PHRF1: variants seen among roughly 807,000 people sequenced by gnomAD.
PHRF1 encodes the protein PHD and RING finger domain-containing protein 1.
A neutral mutation model predicts 128.9 loss-of-function variants in PHRF1; 53 were observed. That is an observed-to-expected ratio of 0.41 (90% CI 0.33 to 0.52). The LOEUF is 0.52. PHRF1 is among the 20% of genes least tolerant of loss of function. The probability of loss-of-function intolerance (pLI) is 0.21; values close to 1 mark genes in which losing one functional copy is unlikely to be tolerated. For synonymous variants in PHRF1, 1,178 were observed against 980.6 expected, an observed-to-expected ratio of 1.20 and a Z score of -3.76; for missense variants, 2,503 against 2,284.5, an observed-to-expected ratio of 1.10 and a Z score of -1.95.
intron 11 of PHRF1, 40 bp downstream of exon 11, chr11:605,340 C>A (rs1855880412): frequency 6.2e-7 from 1 of 1,602,390 alleles, no homozygotes; most frequent in Non-Finnish European, 8.5e-7. Context: ...GCACCCGCTC[C>A]TCTCCCTGGG....
intron 4 of PHRF1, among the ~76,000 whole-genome samples, chr11:590,895 G>C (rs1224501933): frequency 6.6e-6 from 1 of 152,054 alleles, no homozygotes; most frequent in Non-Finnish European, 1.5e-5. Context: ...TAGAGGCGGG[G>C]TTTCTCTGTG....
At position 609,572 on chromosome 11, in the gene PHRF1, C is replaced by G. The variant is rs773330665; in HGVS notation, c.4116C>G (p.Pro1372=). The change falls in exon 14 of 18, where the codon CCC becomes CCG. Residue 1372 remains proline, a synonymous_variant. Coordinates refer to ENST00000264555, the MANE Select transcript of PHRF1 (RefSeq NM_001286581.2). ...DVAPAGKEDS[P]SASGRVQEAA... ...CGCCTGCGGGGAAGGAAGACAGCCC[C>G]TCTGCGAGTGGGAGGGTACAGGAGG... The G allele has an allele frequency of 4.0e-5, 64 of 1,598,804 alleles. No individual in the cohort carries two copies. In the Middle Eastern group the frequency reaches 3.8e-3, roughly 95 times the overall value.
In PHRF1 at chr11:605,290, C is replaced by G. The variant is rs1855875819; in HGVS notation, c.1324C>G (p.Pro442Ala). 6.2e-7 allele frequency: 1 copy of G among 1,613,192 alleles called. No homozygotes were observed. Among genetic ancestry groups the G allele is most frequent in the South Asian group, 1.1e-5 (1 of 91,082 alleles). ...SLFGDPYELDPFDSSEELSAN... is the reference protein window; with the variant it reads ...SLFGDPYELDAFDSSEELSAN... The stretch of plus-strand genomic sequence containing the variant: ...GTTTGGAGATCCTTATGAGCTGGAT[C>G]CCTTCGACAGGTGAGTGAACTGGTG... The change falls in exon 11 of 18, where the codon CCC becomes GCC. Residue 442 changes from proline (P) to alanine (A), a missense_variant. Physicochemically the swap from Pro to Ala is conservative, Grantham distance 27. Coordinates refer to ENST00000264555, the MANE Select transcript of PHRF1 (RefSeq NM_001286581.2).
intron 4 of PHRF1, 103 bp from the exon 5 acceptor site, chr11:591,281 C>A: frequency 9.8e-7 from 1 of 1,022,112 alleles, no homozygotes; most frequent in Non-Finnish European, 1.5e-6. Flanking sequence ...GGGCCTGGCG[C>A]ATGGAGGCAT....
chr11:605,482 C>G, intron 11 of PHRF1, 123 bp from the exon 12 acceptor site: 5 of 1,504,726 alleles, frequency 3.3e-6, no homozygotes, highest in Non-Finnish European at 3.6e-6. Context: ...GGTTCGGGGC[C>G]CGAATCACAC....
At chr11:591,027 A>C (rs1426545072) in intron 4 of PHRF1, among the ~76,000 whole-genome samples, 1 of 152,236 alleles carries the variant, frequency 6.6e-6, no homozygotes, top group African/African-American at 2.4e-5. Context: ...CTAAAAATTT[A>C]CTAGTGAATG....
intron 6 of PHRF1, 114 bp downstream of exon 6, chr11:592,788 TGTGCTCACCACCCTCAGCAG>T (rs2132950809): frequency 8.7e-7 from 1 of 1,150,312 alleles, no homozygotes; most frequent in East Asian, 2.4e-5. Context: ...CACCTGGAGC[TGTGCTCACCACCCTCAGCAG>T]CGCGGTTCAG....
Position 608,730 on chromosome 11 carries a change from C to T in PHRF1, c.3274C>T (p.Arg1092Trp), listed in dbSNP as rs762388707. The change falls in exon 14 of 18, where the codon CGG becomes TGG. Residue 1092 changes from arginine (R) to tryptophan (W), a missense_variant. Transcript: ENST00000264555. The part of the protein sequence containing the change: ...WGHSRRTSRS[R>W]SGSPGSSSYE... ...CCACAGCCGGAGGACGTCCCGGTCG[C>T]GGTCGGGGAGCCCTGGCAGCTCTTC... is the stretch of plus-strand genomic sequence containing the variant. 3.1e-5 allele frequency: 50 copies of T among 1,611,246 alleles called. No homozygotes were observed. Among genetic ancestry groups the T allele is most frequent in the South Asian group, 2.5e-4 (23 of 90,954 alleles).
At chr11:603,895 GT>G (rs927303903) in intron 10 of PHRF1, among the ~76,000 whole-genome samples, 1 of 151,738 alleles carries the variant, frequency 6.6e-6, no homozygotes, top group Admixed American at 6.6e-5. Context: ...TAGAGATGGG[GT>G]TTTGCCATGT....
chr11:578,165 T>C (rs111514492), intron 1 of PHRF1, among the ~76,000 whole-genome samples: 1 of 152,218 alleles, frequency 6.6e-6, no homozygotes, highest in Non-Finnish European at 1.5e-5. Context: ...CCCAGCATCC[T>C]AACTACAGGT....
At chr11:591,748 C>G (rs777898829) in intron 5 of PHRF1, among the ~76,000 whole-genome samples, 1 of 152,064 alleles carries the variant, frequency 6.6e-6, no homozygotes, top group Non-Finnish European at 1.5e-5. Flanking sequence ...CCCGTCTGCT[C>G]GGAGCTCTTT....
chr11:577,104 G>C (rs1353574583), intron 1 of PHRF1, among the ~76,000 whole-genome samples: 1 of 152,222 alleles, frequency 6.6e-6, no homozygotes, highest in Non-Finnish European at 1.5e-5. Context: ...TGGGCTTCTG[G>C]CCTTGTCTGC....
intron 1 of PHRF1, among the ~76,000 whole-genome samples, chr11:579,683 C>A (rs1464936243): frequency 6.6e-6 from 1 of 152,200 alleles, no homozygotes; most frequent in East Asian, 1.9e-4. Context: ...GAGCGGGGAT[C>A]ATGACCAGGT....
In PHRF1 at chr11:605,598, C is replaced by A. The variant is rs1163591266; in HGVS notation, c.1335-7C>A. 1.9e-6 allele frequency: 3 copies of A among 1,613,218 alleles called. No homozygotes were observed. The Admixed American group carries it at 5.0e-5, about 27-fold the overall frequency. ...TTGTTCCCTTTGGCCTGTGTCCTCC[C>A]CTCTAGCAGTGAAGAGCTTTCTGCA... is the stretch of plus-strand genomic sequence containing the variant. On this transcript the variant is annotated splice_polypyrimidine_tract_variant and splice_region_variant and intron_variant, in intron 11 of 17. Transcript: ENST00000264555.
Position 610,527 on chromosome 11 carries a change from C to G in PHRF1, c.4443C>G (p.Ala1481=), listed in dbSNP as rs369047912. ...SQVYSPGLPP[A]PAQPSSIPPC... is the part of the protein sequence containing the mutation. ...TTTACAGCCCCGGCCTGCCGCCTGC[C>G]CCGGCCCAGCCCTCAAGCATCCCAC... Residue 1481 remains alanine, a synonymous_variant, in exon 16 of 18, where the codon GCC becomes GCG. Transcript: ENST00000264555. 1.2e-6 allele frequency: 2 copies of G among 1,604,654 alleles called. No individual in the cohort carries two copies. The highest frequency in any genetic ancestry group is 2.7e-5 in the African/African-American group (2 of 74,896).
chr11:608,682 G>C lies in PHRF1; in HGVS notation c.3226G>C (p.Glu1076Gln). 1 of 1,612,342 alleles carries C rather than the reference G, an allele frequency of 6.2e-7. No homozygotes were observed. The highest frequency in any genetic ancestry group is 8.5e-7 in the Non-Finnish European group (1 of 1,179,764). The stretch of plus-strand genomic sequence containing the variant: ...GAAGAAAGCCAAGGACAAGAGCAGG[G>C]AGCACAGGCGGGGCCCCTGGGGCCA... Reference protein sequence around the residue: ...KRKKAKDKSREHRRGPWGHSR... With the variant: ...KRKKAKDKSRQHRRGPWGHSR... The change falls in exon 14 of 18, where the codon GAG becomes CAG. Residue 1076 changes from glutamate to glutamine, a missense_variant. Physicochemically the swap from Glu to Gln is conservative, Grantham distance 29. Coordinates refer to ENST00000264555, the MANE Select transcript of PHRF1 (RefSeq NM_001286581.2).
rs188134283 is a variant in PHRF1, at chr11:603,216, C to T, written c.1152+1515C>T. On this transcript the variant is annotated intron_variant, in intron 10 of 17. Transcript: ENST00000264555. Reference sequence around the variant, plus strand: ...GACTACAGGCATAGCCCACCGTGCCCGGCTAGTTTTTGTATTTTTCGTAGA... The same window carrying T: ...GACTACAGGCATAGCCCACCGTGCCTGGCTAGTTTTTGTATTTTTCGTAGA... Among the ~76,000 whole-genome samples, 13 of 151,974 alleles carry T rather than the reference C, an allele frequency of 8.6e-5. No individual in the cohort carries two copies. The East Asian group carries it at 1.2e-3, about 14-fold the overall frequency.
In PHRF1 at chr11:592,736, A is replaced by G; in HGVS notation, c.620+62A>G. On this transcript the variant is annotated intron_variant, in intron 6 of 17. Coordinates refer to ENST00000264555, the MANE Select transcript of PHRF1 (RefSeq NM_001286581.2). ...GCGTGCAAGGCGGGCCAGGCGCAGG[A>G]GGGATGCAGAGCCTCTTCGCTCTGT... The G allele has an allele frequency of 2.0e-6, 3 of 1,536,036 alleles. 1 individual carries two copies. The South Asian group carries it at 3.4e-5, about 17-fold the overall frequency.
In PHRF1 at chr11:609,774, T is replaced by C. The variant is rs58104786; in HGVS notation, c.4264+54T>C. The C allele has an allele frequency of 1.2e-3, 1,072 of 910,336 alleles. 50 individuals are homozygous for C. In the African/African-American group the frequency reaches 0.021, roughly 18 times the overall value. 56.4% of individuals were successfully genotyped at this position (910,336 alleles called of 1,614,324 possible). A position where few individuals can be genotyped will look rare whatever the true frequency, so the allele number is the denominator to read the frequency against. On this transcript the variant is annotated intron_variant, in intron 14 of 17. Coordinates refer to ENST00000264555, the MANE Select transcript of PHRF1 (RefSeq NM_001286581.2). ...ACAGAGCCCCCAGTGAGTAAGGCCC[T>C]GGCCCCCGCCGAGGACAGAGCCCCC...
Sources: gnomAD v4.1 joint callset for allele counts (sites outside exome capture counted in the v4.1 genomes callset) on GRCh38, gnomAD v4.1.1 for gene constraint, MANE v1.5 for transcripts, NCBI Gene and HGNC (gene_info 2026-07-23, HGNC 2026-07-21) for gene names.